Variants in ANKS1B observed in about 807,000 individuals in gnomAD.
The protein encoded by ANKS1B is ankyrin repeat and sterile alpha motif domain-containing protein 1B.
In ANKS1B, 36 loss-of-function variants were observed where a neutral mutation model predicts 148.3. That is an observed-to-expected ratio of 0.24 (90% CI 0.19 to 0.32). The LOEUF (loss-of-function observed/expected upper bound fraction) is 0.32. ANKS1B is among the 10% of genes least tolerant of loss of function. ANKS1B has a pLI of 1.00. For synonymous variants in ANKS1B, 542 were observed against 560.8 expected (o/e 0.97, Z 0.47); for missense variants, 1,157 against 1,542.6 (o/e 0.75, Z 4.19).
chr12:99,766,596 G>A (rs2062668764), intron 8 of ANKS1B, among the ~76,000 whole-genome samples: 2 of 152,022 alleles, frequency 1.3e-5, no homozygotes, highest in Non-Finnish European at 2.9e-5. Context: ...CCTAATTCTT[G>A]CAAAACCTGT....
At chr12:99,638,108 C>G (rs2098260725) in intron 9 of ANKS1B, among the ~76,000 whole-genome samples, 1 of 152,040 alleles carries the variant, frequency 6.6e-6, no homozygotes, top group Non-Finnish European at 1.5e-5. Context: ...ATATTTGTTT[C>G]CCTTTCTGCC....
intron 17 of ANKS1B, among the ~76,000 whole-genome samples, chr12:98,848,383 CAT>C (rs2099495279): frequency 6.6e-6 from 1 of 152,014 alleles, no homozygotes; most frequent in Non-Finnish European, 1.5e-5. Flanking sequence ...AATTAATAAA[CAT>C]AATATTATTC....
chr12:98,935,490 A>G (rs1167943765), intron 17 of ANKS1B, among the ~76,000 whole-genome samples: 1 of 152,174 alleles, frequency 6.6e-6, no homozygotes, highest in Non-Finnish European at 1.5e-5. Flanking sequence ...TGGTCTCATA[A>G]AATAAATTTG....
intron 14 of ANKS1B, among the ~76,000 whole-genome samples, chr12:99,170,896 C>T (rs192859509): frequency 2.0e-5 from 3 of 151,998 alleles, no homozygotes; most frequent in Admixed American, 6.6e-5. Flanking sequence ...TTATTTCTAC[C>T]GTAATTAGCA....
intron 1 of ANKS1B, among the ~76,000 whole-genome samples, chr12:99,848,334 TAGAG>T (rs1460435020): frequency 1.3e-5 from 2 of 151,860 alleles, no homozygotes; most frequent in African/African-American, 2.4e-5. Flanking sequence ...GGGGAGGAAA[TAGAG>T]AGAAAGAACA....
intron 8 of ANKS1B, among the ~76,000 whole-genome samples, chr12:99,693,448 T>C (rs1206059516): frequency 2.6e-5 from 4 of 152,176 alleles, no homozygotes; most frequent in African/African-American, 9.7e-5. Flanking sequence ...ATTGAAGCTA[T>C]TGTGTTGTGA....
intron 16 of ANKS1B, among the ~76,000 whole-genome samples, chr12:99,059,821 A>G (rs915339023): frequency 3.4e-5 from 5 of 148,374 alleles, no homozygotes; most frequent in African/African-American, 1.2e-4. Flanking sequence ...GGACGTGTAG[A>G]CTAAAGGTCA....
At position 99,077,434 on chromosome 12, in the gene ANKS1B, C is replaced by T. The variant is rs550055368; in HGVS notation, c.2625+7491G>A. ...GGAGAATGAAAATAAGTCGCCCTGT[C>T]AAAAGGTACCATGAGAGCATCTATG... On this transcript the variant is annotated intron_variant, in intron 16 of 26. Transcript: ENST00000683438. Among the ~76,000 whole-genome samples, 6 of 152,230 alleles carry T rather than the reference C, an allele frequency of 3.9e-5. No homozygotes were observed. In the South Asian group the frequency reaches 1.2e-3, roughly 32 times the overall value.
In ANKS1B at chr12:99,416,850, A is replaced by C. The variant is rs187469304; in HGVS notation, c.1576-17039T>G. 7.3e-5 allele frequency among the ~76,000 whole-genome samples: 11 copies of C among 150,230 alleles called. No individual in the cohort carries two copies. In the East Asian group the frequency reaches 1.9e-3, roughly 27 times the overall value. On this transcript the variant is annotated intron_variant, in intron 11 of 26. Coordinates refer to ENST00000683438, the MANE Select transcript of ANKS1B (RefSeq NM_001352186.2). Reference sequence around the variant, plus strand: ...AGAGCAAAAGTTTTTAACTTTAATGAAGTACATTTTTTTTTAACCAGAGGT... The same window carrying C: ...AGAGCAAAAGTTTTTAACTTTAATGCAGTACATTTTTTTTTAACCAGAGGT...
intron 12 of ANKS1B, among the ~76,000 whole-genome samples, chr12:99,331,205 G>A (rs994265082): frequency 1.3e-5 from 2 of 151,820 alleles, no homozygotes; most frequent in African/African-American, 4.8e-5. Flanking sequence ...TTTATAATAT[G>A]CTCATGGATT....
intron 8 of ANKS1B, among the ~76,000 whole-genome samples, chr12:99,762,089 G>C (rs1467859582): frequency 6.6e-6 from 1 of 152,042 alleles, no homozygotes; most frequent in African/African-American, 2.4e-5. Context: ...TCATGGGCTG[G>C]AAGAATCAAT....
intron 16 of ANKS1B, among the ~76,000 whole-genome samples, chr12:99,065,434 G>A (rs887991077): frequency 1.3e-5 from 2 of 152,158 alleles, no homozygotes; most frequent in Non-Finnish European, 1.5e-5. Context: ...GCAGATAAAT[G>A]TACCACACAA....
intron 15 of ANKS1B, among the ~76,000 whole-genome samples, chr12:99,112,096 T>G (rs939102772): frequency 7.2e-5 from 11 of 152,124 alleles, no homozygotes; most frequent in African/African-American, 2.7e-4. Flanking sequence ...ACAGATATAA[T>G]CATCCCCATT....
intron 10 of ANKS1B, among the ~76,000 whole-genome samples, chr12:99,462,491 A>G (rs1268961209): frequency 6.6e-6 from 1 of 152,142 alleles, no homozygotes; most frequent in Non-Finnish European, 1.5e-5. Context: ...AAATCACTCA[A>G]TAAATCTCCT....
At chr12:99,574,659 T>C (rs533569647) in intron 9 of ANKS1B, among the ~76,000 whole-genome samples, 2 of 149,574 alleles carry the variant, frequency 1.3e-5, no homozygotes, top group South Asian at 2.1e-4. Context: ...GTTCCTCGTA[T>C]TAAAAAAAAA....
intron 1 of ANKS1B, among the ~76,000 whole-genome samples, chr12:99,949,691 C>T (rs1279226433): frequency 6.6e-6 from 1 of 152,110 alleles, no homozygotes; most frequent in Non-Finnish European, 1.5e-5. Flanking sequence ...AAAAGTCATC[C>T]CTCTGCCACC....
chr12:98,808,019 A>G, intron 19 of ANKS1B, 101 bp from the exon 20 acceptor site: 1 of 899,888 alleles, frequency 1.1e-6, no homozygotes, highest in Non-Finnish European at 1.7e-6. Context: ...TAAAATGCAA[A>G]GAATCACATT....
chr12:99,685,957 C>A (rs1311116038), intron 8 of ANKS1B, among the ~76,000 whole-genome samples: 3 of 151,918 alleles, frequency 2.0e-5, no homozygotes, highest in African/African-American at 7.3e-5. Context: ...AAGAATGATA[C>A]AATGGACTTT....
chr12:98,775,707 C>A (rs1437924197), intron 24 of ANKS1B, among the ~76,000 whole-genome samples: 4 of 152,028 alleles, frequency 2.6e-5, no homozygotes, highest in African/African-American at 9.7e-5. Context: ...TTGCTTCAGC[C>A]TCCCAGAGTG....
Sources: gnomAD v4.1 joint callset for allele counts (sites outside exome capture counted in the v4.1 genomes callset) on GRCh38, gnomAD v4.1.1 for gene constraint, MANE v1.5 for transcripts, NCBI Gene and HGNC (gene_info 2026-07-23, HGNC 2026-07-21) for gene names.